The following CYP26C1 variants were observed in gnomAD, a reference collection of about 807,000 sequenced individuals.
CYP26C1 encodes cytochrome P450 26C1.
In CYP26C1, 41 loss-of-function variants were observed where a neutral mutation model predicts 39.1. The observed-to-expected ratio is 1.05, with a 90% CI of 0.82 to 1.36. The LOEUF (loss-of-function observed/expected upper bound fraction) is 1.36, where lower values mean the gene tolerates loss of function less well. CYP26C1 is among the 40% of genes most tolerant of loss of function. The probability of loss-of-function intolerance (pLI) is 0.00; values close to 1 mark genes in which losing one functional copy is unlikely to be tolerated. For synonymous variants in CYP26C1, 362 were observed against 350.8 expected, an observed-to-expected ratio of 1.03 and a Z score of -0.36; for missense variants, 833 against 752.0, an observed-to-expected ratio of 1.11 and a Z score of -1.26.
intron 3 of CYP26C1, chr10:93,063,483 C>G (rs1485537179): frequency 9.1e-6 from 9 of 987,336 alleles, no homozygotes; most frequent in Non-Finnish European, 9.6e-6. Flanking sequence ...AGCCCTGGAC[C>G]CGCTAGGTTT....
At chr10:93,061,623 A>C (rs4991544) in intron 1 of CYP26C1, among the ~76,000 whole-genome samples, 156 bp downstream of exon 1, 145,642 of 152,034 alleles carry the variant, frequency 0.96, 69,926 homozygotes, top group East Asian at 0.99. Context: ...CTTTACCTAG[A>C]TACTCCGTTC....
chr10:93,061,240 C>A lies in CYP26C1; in HGVS notation c.-24C>A, dbSNP rs1197686230. The A allele has an allele frequency of 6.5e-7, 1 of 1,547,364 alleles. No individual in the cohort carries two copies. On this transcript the variant is annotated 5_prime_UTR_variant, in exon 1 of 6. Coordinates refer to ENST00000651965, the MANE Select transcript of CYP26C1 (RefSeq NM_183374.3). ...TCCCCTGCTCTCCCTGCGCTCTGAG[C>A]GGCCTGGCCCCCGCGGGCTCATCAT... is the stretch of plus-strand genomic sequence containing the variant.
rs1490105102 is a variant in CYP26C1 at position 93,061,995 on chromosome 10, C to G, written c.205-15C>G. 3.9e-6 allele frequency: 6 copies of G among 1,551,102 alleles called. No homozygotes were observed. The Admixed American group carries it at 1.2e-4, about 30-fold the overall frequency. ...CCCAGAAGTTCCAGCTCTCCACCCT[C>G]CGCCTCGCCCGCAGGGCTCGCGCTT... On this transcript the variant is annotated splice_polypyrimidine_tract_variant and intron_variant, in intron 1 of 5. Coordinates refer to ENST00000651965, the MANE Select transcript of CYP26C1 (RefSeq NM_183374.3).
At position 93,062,089 on chromosome 10, in the gene CYP26C1, G is replaced by T. The variant is rs752508769; in HGVS notation, c.284G>T (p.Arg95Leu). Residue 95 changes from arginine (R) to leucine (L), a missense_variant, in exon 2 of 6, where the codon CGC (arginine) becomes CTC (leucine). Coordinates refer to ENST00000651965, the MANE Select transcript of CYP26C1 (RefSeq NM_183374.3). ...KTHLLGRPVI[R>L]VSGAENVRTI... ...CACCTGCTGGGCAGGCCAGTGATCC[G>T]CGTGAGCGGCGCGGAGAACGTGCGC... 2 of 1,574,406 alleles carry T rather than the reference G, an allele frequency of 1.3e-6. No individual in the cohort carries two copies. Among genetic ancestry groups the T allele is most frequent in the South Asian group, 2.3e-5 (2 of 85,636 alleles).
chr10:93,065,845 G>A, intron 4 of CYP26C1, 111 bp from the exon 5 acceptor site: 1 of 1,076,486 alleles, frequency 9.3e-7, no homozygotes, highest in South Asian at 2.4e-5. Flanking sequence ...CTGCCCCCTG[G>A]CTTTTCGCAA....
chr10:93,064,705 A>C, intron 4 of CYP26C1, 169 bp downstream of exon 4: 3 of 1,378,998 alleles, frequency 2.2e-6, no homozygotes, highest in Non-Finnish European at 2.8e-6. Flanking sequence ...ACTCAGCCAC[A>C]CTCACTACCT....
chr10:93,067,132 C>T (rs1371984208), intron 5 of CYP26C1, among the ~76,000 whole-genome samples: 1 of 152,232 alleles, frequency 6.6e-6, no homozygotes, highest in Non-Finnish European at 1.5e-5. Context: ...ACATTGCGTG[C>T]CAGGGTTCAG....
chr10:93,068,563 A>C lies in CYP26C1; in HGVS notation c.1435A>C (p.Thr479Pro), dbSNP rs777493031. 1.9e-6 allele frequency: 3 copies of C among 1,592,352 alleles called. No homozygotes were observed. Among genetic ancestry groups the C allele is most frequent in the Non-Finnish European group, 2.6e-6 (3 of 1,170,320 alleles). ...GCTGCTAGCTGTGGAGCTAGTGCGC[A>C]CCGCGCGCTGGGAACTGGCCACACC... is the stretch of plus-strand genomic sequence containing the variant. ...LQLLAVELVR[T>P]ARWELATPAF... is the part of the protein sequence containing the mutation. Residue 479 changes from threonine (T) to proline (P), a missense_variant, in exon 6 of 6, where the codon ACC (threonine) becomes CCC (proline). By Grantham distance (38) the Thr-to-Pro change is conservative (BLOSUM62 -1). Transcript: ENST00000651965.
intron 4 of CYP26C1, among the ~76,000 whole-genome samples, chr10:93,065,216 C>T (rs1846809184): frequency 2.6e-5 from 4 of 152,238 alleles, no homozygotes; most frequent in Admixed American, 2.6e-4. Flanking sequence ...AACTCTTACG[C>T]ATCCTTTCTC....
chr10:93,065,750 C>T (rs994034183), intron 4 of CYP26C1, among the ~76,000 whole-genome samples: 9 of 152,248 alleles, frequency 5.9e-5, no homozygotes, highest in South Asian at 4.1e-4. Context: ...TTGCCTGTTG[C>T]TACAGCTGAC....
rs527465494 is a variant in CYP26C1, at chr10:93,061,030, G to T, written c.-234G>T. On this transcript the variant is annotated 5_prime_UTR_variant, in exon 1 of 6. Coordinates refer to ENST00000651965, the MANE Select transcript of CYP26C1 (RefSeq NM_183374.3). ...CAGGAGCCAGGAAAAAGTCCTGAGC[G>T]TGCCGGCCTCGAGGAAGGCACGTTC... 1.9e-6 allele frequency: 1 copy of T among 526,372 alleles called. No individual in the cohort carries two copies. Among genetic ancestry groups the T allele is most frequent in the African/African-American group, 2.0e-5 (1 of 50,112 alleles). 32.6% of individuals were successfully genotyped at this position (526,372 alleles called of 1,614,324 possible).
intron 1 of CYP26C1, 105 bp downstream of exon 1, chr10:93,061,572 G>A (rs1365864178): frequency 1.4e-6 from 2 of 1,389,776 alleles, no homozygotes; most frequent in Admixed American, 2.3e-5. Context: ...GCCAGTCCCT[G>A]CCCATCGCCC....
Position 93,062,158 on chromosome 10 carries a change from C to G in CYP26C1, c.353C>G (p.Pro118Arg), listed in dbSNP as rs771426537. ...CACCGCCTGGTGCGCAGCCAGTGGC[C>G]GCAGAGTGCGCACATCCTGCTGGGC... The part of the protein sequence containing the change: ...GEHRLVRSQW[P>R]QSAHILLGSH... Residue 118 changes from proline to arginine, a missense_variant, in exon 2 of 6, where the codon CCG (proline) becomes CGG (arginine). Transcript: ENST00000651965. 3 of 1,540,554 alleles carry G rather than the reference C, an allele frequency of 1.9e-6. No homozygotes were observed. The highest frequency in any genetic ancestry group is 2.0e-5 in the Admixed American group (1 of 50,992).
At chr10:93,065,884 C>A in intron 4 of CYP26C1, 72 bp from the exon 5 acceptor site, 13 of 1,383,730 alleles carry the variant, frequency 9.4e-6, no homozygotes, top group South Asian at 1.6e-5. Context: ...TTCATCTCCA[C>A]GGGGCCGTCG....
rs115859882 is a variant in CYP26C1, at chr10:93,069,040, G to A, written c.*343G>A. 132 of 241,434 alleles carry A rather than the reference G, an allele frequency of 5.5e-4. No homozygotes were observed. The highest frequency in any genetic ancestry group is 2.8e-3 in the African/African-American group (125 of 44,740). 15.0% of individuals were successfully genotyped at this position (241,434 alleles called of 1,614,324 possible). The stretch of plus-strand genomic sequence containing the variant: ...CTTCCCGAGCCAATCCAGGGAGGGT[G>A]CATGGATGGGGGAAGGCGAGGTAGG... On this transcript the variant is annotated 3_prime_UTR_variant, in exon 6 of 6. Transcript: ENST00000651965.
rs1271535790 is a variant in CYP26C1, at chr10:93,068,555, T to G, written c.1427T>G (p.Leu476Arg). Residue 476 changes from leucine to arginine, a missense_variant, in exon 6 of 6, where the codon CTA (leucine) becomes CGA (arginine). By Grantham distance (102) the Leu-to-Arg change is moderately radical. Coordinates refer to ENST00000651965, the MANE Select transcript of CYP26C1 (RefSeq NM_183374.3). ...QAVLQLLAVELVRTARWELAT... is the reference protein window; with the variant it reads ...QAVLQLLAVERVRTARWELAT... ...GTGCTCCAGCTGCTAGCTGTGGAGCTAGTGCGCACCGCGCGCTGGGAACTG... is the reference window on the plus strand; with the variant it reads ...GTGCTCCAGCTGCTAGCTGTGGAGCGAGTGCGCACCGCGCGCTGGGAACTG... The G allele has an allele frequency of 6.3e-7, 1 of 1,596,300 alleles. No individual in the cohort carries two copies. The highest frequency in any genetic ancestry group is 1.3e-5 in the African/African-American group (1 of 74,850).
At chr10:93,066,474 C>T (rs1394695331) in intron 5 of CYP26C1, among the ~76,000 whole-genome samples, 189 bp downstream of exon 5, 1 of 152,226 alleles carries the variant, frequency 6.6e-6, no homozygotes, top group Non-Finnish European at 1.5e-5. Flanking sequence ...GTTCCACCTC[C>T]CCGGATCCCC....
rs755174603 is a variant in CYP26C1, at chr10:93,061,448, C to A, written c.185C>A (p.Thr62Lys). 11 of 1,552,184 alleles carry A rather than the reference C, an allele frequency of 7.1e-6. No individual in the cohort carries two copies. Among genetic ancestry groups the A allele is most frequent in the Non-Finnish European group, 9.6e-6 (11 of 1,148,382 alleles). The change falls in exon 1 of 6, where the codon ACG becomes AAG. Residue 62 changes from threonine (T) to lysine (K), a missense_variant. Thr to Lys is a moderately conservative substitution (Grantham distance 78). Transcript: ENST00000651965. ...GSMGWPFFGE[T>K]LHWLVQGSRF... ...ATGGGGTGGCCCTTCTTCGGCGAAA[C>A]GCTGCACTGGTTAGTTCAGGTGAGC...
At chr10:93,061,521 C>T in intron 1 of CYP26C1, 54 bp downstream of exon 1, 1 of 1,536,834 alleles carries the variant, frequency 6.5e-7, no homozygotes, top group East Asian at 2.4e-5. Context: ...CCCCCGGCTC[C>T]CACTGGACCC....
Sources: gnomAD v4.1 joint callset for allele counts (sites outside exome capture counted in the v4.1 genomes callset) on GRCh38, gnomAD v4.1.1 for gene constraint, MANE v1.5 for transcripts, NCBI Gene and HGNC (gene_info 2026-07-23, HGNC 2026-07-21) for gene names.